PCDHA10: variants seen among roughly 807,000 people sequenced by gnomAD.
PCDHA10 encodes protocadherin alpha 10.
Under a neutral mutation model 61.2 loss-of-function variants are expected in PCDHA10, and 45 were observed. The observed-to-expected ratio is 0.74, with a 90% CI of 0.58 to 0.94. The LOEUF (loss-of-function observed/expected upper bound fraction) is 0.94, where lower values mean the gene tolerates loss of function less well. Ranked by LOEUF, PCDHA10 falls within the 40% of genes least tolerant of loss-of-function variation. The pLI is 0.00. For missense variants in PCDHA10, 1,278 were observed against 1,236.2 expected, an observed-to-expected ratio of 1.03 and a Z score of -0.51; for synonymous variants, 602 against 548.8, an observed-to-expected ratio of 1.10 and a Z score of -1.35.
Position 140,883,846 on chromosome 5 carries a change from G to A in PCDHA10, c.2388+25410G>A, listed in dbSNP as rs782516685. On this transcript the variant is annotated intron_variant, in intron 1 of 3. Coordinates refer to ENST00000307360, the MANE Select transcript of PCDHA10 (RefSeq NM_018901.4). ...ACGCGCTGCAGCCGTTGGACCACGA[G>A]GAGCTGGAGCTGTTGCAGTTCCAGG... is the stretch of plus-strand genomic sequence containing the variant. The A allele has an allele frequency of 6.8e-6, 11 of 1,612,790 alleles. 1 individual carries two copies. In the Admixed American group the frequency reaches 1.7e-4, roughly 24 times the overall value.
In PCDHA10 at chr5:140,969,008, G is replaced by C. The variant is rs782541476; in HGVS notation, c.2389-9941G>C. 29 of 1,614,076 alleles carry C rather than the reference G, an allele frequency of 1.8e-5. 1 individual carries two copies. In the Admixed American group the frequency reaches 4.8e-4, roughly 27 times the overall value. Reference sequence around the variant, plus strand: ...TGCATGCTGTGGAGGCTTCTGTGGAGTAAGGGAAAGGTCCCCTGCAGAACT... The same window carrying C: ...TGCATGCTGTGGAGGCTTCTGTGGACTAAGGGAAAGGTCCCCTGCAGAACT... On this transcript the variant is annotated intron_variant, in intron 1 of 3. Coordinates refer to ENST00000307360, the MANE Select transcript of PCDHA10 (RefSeq NM_018901.4).
intron 1 of PCDHA10, among the ~76,000 whole-genome samples, chr5:140,892,670 A>G (rs35160890): frequency 0.3 from 45,256 of 152,112 alleles, 7,290 homozygotes; most frequent in East Asian, 0.53. Context: ...ATTTTGATAC[A>G]TATATACAAT....
intron 3 of PCDHA10, among the ~76,000 whole-genome samples, chr5:140,989,801 G>A (rs1554251107): frequency 1.3e-5 from 2 of 152,184 alleles, no homozygotes; most frequent in Non-Finnish European, 1.5e-5. Context: ...CCCAGGAAAG[G>A]GCCATAAGAT....
chr5:141,004,178 T>G (rs527276653), intron 3 of PCDHA10, among the ~76,000 whole-genome samples: 2 of 152,372 alleles, frequency 1.3e-5, no homozygotes, highest in South Asian at 2.1e-4. Flanking sequence ...CCAAGTGTCT[T>G]GAGTGCTCTT....
intron 1 of PCDHA10, chr5:140,862,568 C>A: frequency 2.1e-6 from 1 of 480,650 alleles, no homozygotes; most frequent in African/African-American, 2.0e-5. Context: ...AACCACAATG[C>A]CCTGGCGTTC....
At position 140,900,792 on chromosome 5, in the gene PCDHA10, C is replaced by T. The variant is rs373914544; in HGVS notation, c.2388+42356C>T. On this transcript the variant is annotated intron_variant, in intron 1 of 3. Transcript: ENST00000307360. ...CTTTTTGAGGAAACTCCAAACTGTT[C>T]TCCATAGTGCTTGTACTAATTTACA... 1.1e-4 allele frequency among the ~76,000 whole-genome samples: 16 copies of T among 152,298 alleles called. No individual in the cohort carries two copies. The South Asian group carries it at 1.5e-3, about 14-fold the overall frequency.
intron 1 of PCDHA10, among the ~76,000 whole-genome samples, chr5:140,942,069 A>G (rs1384507706): frequency 1.3e-5 from 2 of 152,234 alleles, no homozygotes; most frequent in Non-Finnish European, 2.9e-5. Flanking sequence ...TAATTGAGCC[A>G]AGAGAGCACA....
chr5:140,858,889 AT>A (rs2045644235), intron 1 of PCDHA10: 2 of 236,178 alleles, frequency 8.5e-6, no homozygotes, highest in African/African-American at 2.4e-5. Context: ...CATGTGTAGA[AT>A]ATGTGTAGCG....
At position 140,857,310 on chromosome 5, in the gene PCDHA10, A is replaced by T; in HGVS notation, c.1262A>T (p.Glu421Val). The stretch of plus-strand genomic sequence containing the variant: ...GACCGCGAGAGGGTGTCGGCCTATG[A>T]GCTGGTGGTGACCGCGCGGGACGGG... ...ALDRERVSAY[E>V]LVVTARDGGS... Residue 421 changes from glutamate to valine, a missense_variant, in exon 1 of 4, where the codon GAG becomes GTG. Coordinates refer to ENST00000307360, the MANE Select transcript of PCDHA10 (RefSeq NM_018901.4). 6.3e-7 allele frequency: 1 copy of T among 1,598,608 alleles called. No individual in the cohort carries two copies. Among genetic ancestry groups the T allele is most frequent in the Non-Finnish European group, 8.6e-7 (1 of 1,168,010 alleles).
At position 140,968,051 on chromosome 5, in the gene PCDHA10, C is replaced by A. The variant is rs1353005851; in HGVS notation, c.2389-10898C>A. On this transcript the variant is annotated intron_variant, in intron 1 of 3. Transcript: ENST00000307360. ...ACTGGTGGTGAGCGGCCCACTGGACCGAGAGCGGGTGGCTGTCTACAACAT... is the reference window on the plus strand; with the variant it reads ...ACTGGTGGTGAGCGGCCCACTGGACAGAGAGCGGGTGGCTGTCTACAACAT... The A allele has an allele frequency of 1.9e-6, 3 of 1,614,018 alleles. No homozygotes were observed. The Admixed American group carries it at 5.0e-5, about 27-fold the overall frequency.
intron 1 of PCDHA10, among the ~76,000 whole-genome samples, chr5:140,887,179 C>A (rs984497356): frequency 6.6e-6 from 1 of 151,850 alleles, no homozygotes; most frequent in Non-Finnish European, 1.5e-5. Context: ...TCACTGCAAG[C>A]TCCACCTCCC....
rs370307660 is a variant in PCDHA10 at position 140,924,901 on chromosome 5, A to T, written c.2389-54048A>T. On this transcript the variant is annotated intron_variant, in intron 1 of 3. Transcript: ENST00000307360. The stretch of plus-strand genomic sequence containing the variant: ...CAGAGCAAGAACCTGTCTCAAAAAA[A>T]AAAATAAAATAAAATAAAATAAAAT... Among the ~76,000 whole-genome samples, 368 of 80,482 alleles carry T rather than the reference A, an allele frequency of 4.6e-3. 1 individual carries two copies. Among genetic ancestry groups the T allele is most frequent in the East Asian group, 9.1e-3 (17 of 1,868 alleles). The allele number at this position is 80,482 out of a possible 152,430, so 52.8% of individuals were successfully genotyped here. A position where few individuals can be genotyped will look rare whatever the true frequency, so the allele number is the denominator to read the frequency against.
At chr5:140,985,783 A>G (rs1587112463) in intron 3 of PCDHA10, among the ~76,000 whole-genome samples, 1 of 125,324 alleles carries the variant, frequency 8.0e-6, no homozygotes, top group Non-Finnish European at 1.6e-5. Context: ...TCTGTCGCCC[A>G]GGCTGGAGTG....
intron 1 of PCDHA10, chr5:140,966,564 T>A (rs1342180377): frequency 2.0e-6 from 1 of 488,548 alleles, no homozygotes; most frequent in Non-Finnish European, 3.4e-6. Context: ...GGAGCTGGAA[T>A]ATGGGGAGTC....
At chr5:140,882,629 G>C in intron 1 of PCDHA10, 1 of 1,614,254 alleles carries the variant, frequency 6.2e-7, no homozygotes, top group Non-Finnish European at 8.5e-7. Context: ...CCATGTGGAG[G>C]TGAAGGTGAG....
chr5:140,915,093 G>A (rs1397392191), intron 1 of PCDHA10, among the ~76,000 whole-genome samples: 3 of 151,622 alleles, frequency 2.0e-5, no homozygotes, highest in Non-Finnish European at 2.9e-5. Flanking sequence ...CTATGGGCAC[G>A]CACCACCACA....
intron 1 of PCDHA10, among the ~76,000 whole-genome samples, chr5:140,901,445 C>T (rs1207516323): frequency 6.6e-6 from 1 of 152,074 alleles, no homozygotes; most frequent in Admixed American, 6.6e-5. Context: ...ATCTAGTTTC[C>T]CAGCACAGAC....
rs782697989 is a variant in PCDHA10, at chr5:140,858,434, A to G, written c.2386A>G (p.Lys796Glu). The change falls in exon 1 of 4, where the codon AAG becomes GAG. Residue 796 changes from lysine (K) to glutamate (E), a missense_variant and splice_region_variant. Lys to Glu is a moderately conservative substitution (Grantham distance 56). Coordinates refer to ENST00000307360, the MANE Select transcript of PCDHA10 (RefSeq NM_018901.4). ...DQSIGGDHSR[K>E]PRQPNPDWRY... ...GTCTATTGGAGGGGACCACTCTAGGAAGGTGGGTTATTACGTTTTCATTTT... is the reference window on the plus strand; with the variant it reads ...GTCTATTGGAGGGGACCACTCTAGGGAGGTGGGTTATTACGTTTTCATTTT... 3 of 1,543,272 alleles carry G rather than the reference A, an allele frequency of 1.9e-6. No homozygotes were observed. The Admixed American group carries it at 5.9e-5, about 30-fold the overall frequency.
chr5:140,917,231 A>G (rs2077963769), intron 1 of PCDHA10, among the ~76,000 whole-genome samples: 1 of 151,360 alleles, frequency 6.6e-6, no homozygotes, highest in Admixed American at 6.6e-5. Context: ...TACGTTGTTA[A>G]ATCTAGGTAC....
Sources: gnomAD v4.1 joint callset for allele counts (sites outside exome capture counted in the v4.1 genomes callset) on GRCh38, gnomAD v4.1.1 for gene constraint, MANE v1.5 for transcripts, NCBI Gene and HGNC (gene_info 2026-07-23, HGNC 2026-07-21) for gene names.